ACCSL: variants seen among roughly 807,000 people sequenced by gnomAD.
ACCSL encodes 1-aminocyclopropane-1-carboxylate synthase homolog (inactive) like.
In ACCSL, 55 loss-of-function variants were observed where a neutral mutation model predicts 61.7. The ratio of observed to expected loss-of-function variants is 0.89; its 90% CI spans 0.72 to 1.12. ACCSL has a LOEUF of 1.12. ACCSL is among the 50% of genes most tolerant of loss of function. The probability of loss-of-function intolerance (pLI) is 0.00; values close to 1 mark genes in which losing one functional copy is unlikely to be tolerated. For synonymous variants in ACCSL, 258 were observed against 264.3 expected, an observed-to-expected ratio of 0.98 and a Z score of 0.23; for missense variants, 632 against 698.0, an observed-to-expected ratio of 0.91 and a Z score of 1.07.
the ACCSL span, among the ~76,000 whole-genome samples, chr11:43,930,959 T>C: frequency 6.6e-6 from 1 of 152,198 alleles, no homozygotes; most frequent in Non-Finnish European, 1.5e-5. Context: ...CCAAACTGAT[T>C]GTACAGCCCG....
the ACCSL span, among the ~76,000 whole-genome samples, chr11:44,014,955 C>G: frequency 2.6e-5 from 4 of 152,222 alleles, no homozygotes; most frequent in Admixed American, 2.6e-4. Flanking sequence ...GGCGGCCTGA[C>G]TGCCTTCCCC....
chr11:43,944,783 G>A, the ACCSL span: 1 of 152,426 alleles, frequency 6.6e-6, no homozygotes, highest in African/African-American at 2.4e-5. Flanking sequence ...GGCTGCAGAT[G>A]GCCACCAAGG....
the ACCSL span, among the ~76,000 whole-genome samples, chr11:44,027,690 C>A: frequency 6.6e-6 from 1 of 152,168 alleles, no homozygotes; most frequent in African/African-American, 2.4e-5. Context: ...GATTTCTAAG[C>A]CCATGCCTCT....
chr11:44,056,221 T>C lies in ACCSL; in HGVS notation c.1222T>C (p.Tyr408His), dbSNP rs761518897. Residue 408 changes from tyrosine (Y) to histidine (H), a missense_variant, in exon 11 of 14, where the codon TAT becomes CAT. Transcript: ENST00000378832. Reference protein sequence around the residue: ...GISGFRFGALYTHNKEVASAV... With the variant: ...GISGFRFGALHTHNKEVASAV... Reference sequence around the variant, plus strand: ...CTCTGGCTTCCGCTTTGGTGCTCTGTATACCCACAACAAGGAGGTGGCCTC... The same window carrying C: ...CTCTGGCTTCCGCTTTGGTGCTCTGCATACCCACAACAAGGAGGTGGCCTC... 1 of 1,614,214 alleles carries C rather than the reference T, an allele frequency of 6.2e-7. No individual in the cohort carries two copies. Among genetic ancestry groups the C allele is most frequent in the South Asian group, 1.1e-5 (1 of 91,082 alleles).
At chr11:43,972,800 G>A in the ACCSL span, among the ~76,000 whole-genome samples, 3 of 152,170 alleles carry the variant, frequency 2.0e-5, no homozygotes, top group Non-Finnish European at 4.4e-5. Flanking sequence ...GGTCAGGAAC[G>A]GGGCACCAGG....
the ACCSL span, among the ~76,000 whole-genome samples, chr11:44,007,689 C>T: frequency 1.3e-5 from 2 of 152,160 alleles, no homozygotes; most frequent in Non-Finnish European, 2.9e-5. Context: ...CACTCAACTT[C>T]TCTGAGCCCC....
At chr11:44,020,196 A>G in the ACCSL span, among the ~76,000 whole-genome samples, 1 of 152,270 alleles carries the variant, frequency 6.6e-6, no homozygotes, top group East Asian at 1.9e-4. Flanking sequence ...AACTTGTTGC[A>G]TGTTTATTAG....
At chr11:43,940,053 G>C in the ACCSL span, among the ~76,000 whole-genome samples, 1 of 152,194 alleles carries the variant, frequency 6.6e-6, no homozygotes, top group Admixed American at 6.5e-5. Flanking sequence ...TCAGTGTTGT[G>C]AGGTCACATA....
At chr11:44,005,327 C>A in the ACCSL span, among the ~76,000 whole-genome samples, 1 of 152,074 alleles carries the variant, frequency 6.6e-6, no homozygotes, top group Non-Finnish European at 1.5e-5. Context: ...GTGGGCTGCA[C>A]GTGCAGGCTT....
the ACCSL span, among the ~76,000 whole-genome samples, chr11:43,983,165 G>A: frequency 6.6e-6 from 1 of 152,180 alleles, no homozygotes; most frequent in Admixed American, 6.5e-5. Flanking sequence ...CCCCATTGGA[G>A]GTGATTGTGT....
At chr11:43,940,603 G>A in the ACCSL span, among the ~76,000 whole-genome samples, 46,846 of 150,890 alleles carry the variant, frequency 0.31, 7,483 homozygotes, top group East Asian at 0.42. Context: ...CTTGTGATCC[G>A]TCCGCCTAAG....
At chr11:44,042,430 C>G in the ACCSL span, among the ~76,000 whole-genome samples, 2 of 152,254 alleles carry the variant, frequency 1.3e-5, no homozygotes, top group East Asian at 3.9e-4. Flanking sequence ...AGCCATAGAA[C>G]TATTCAAAAT....
At chr11:43,950,139 T>C in the ACCSL span, among the ~76,000 whole-genome samples, 1 of 152,236 alleles carries the variant, frequency 6.6e-6, no homozygotes, top group African/African-American at 2.4e-5. Flanking sequence ...GTCTCTTATC[T>C]ACCTATGACC....
chr11:43,979,871 GA>G, the ACCSL span, among the ~76,000 whole-genome samples: 5 of 138,868 alleles, frequency 3.6e-5, no homozygotes, highest in Admixed American at 7.3e-5. Context: ...AAAAAGAAAA[GA>G]AAAAAAAATT....
upstream of ACCSL, among the ~76,000 whole-genome samples, chr11:44,047,458 CGTGGTCTCTGTCAT>C (rs1952605992): frequency 2.6e-5 from 4 of 152,282 alleles, no homozygotes; most frequent in South Asian, 8.3e-4. Flanking sequence ...GTCTCTGTCA[CGTGGTCTCTGTCAT>C]GACTATTAAA....
the ACCSL span, among the ~76,000 whole-genome samples, chr11:43,929,078 G>T: frequency 6.6e-6 from 1 of 152,218 alleles, no homozygotes; most frequent in South Asian, 2.1e-4. Context: ...CAAATTCTTA[G>T]CCTGAGTTTC....
chr11:43,928,889 G>A, the ACCSL span, among the ~76,000 whole-genome samples: 2 of 152,232 alleles, frequency 1.3e-5, no homozygotes, highest in South Asian at 4.1e-4. Flanking sequence ...TGCAACACAA[G>A]GTAGGAGAGG....
chr11:44,019,749 TTGA>T, the ACCSL span, among the ~76,000 whole-genome samples: 1 of 152,228 alleles, frequency 6.6e-6, no homozygotes, highest in Non-Finnish European at 1.5e-5. Flanking sequence ...GTTTCTAGTG[TTGA>T]TGAAGTTCAA....
chr11:43,932,670 C>T, the ACCSL span, among the ~76,000 whole-genome samples: 2 of 152,162 alleles, frequency 1.3e-5, no homozygotes, highest in Admixed American at 1.3e-4. Flanking sequence ...ACCAAGGCTT[C>T]GTGAAAGTCG....
Sources: allele counts gnomAD v4.1 joint callset (sites outside exome capture counted in the v4.1 genomes callset), GRCh38; gene constraint gnomAD v4.1.1; transcripts MANE v1.5; gene names NCBI Gene and HGNC (gene_info 2026-07-23, HGNC 2026-07-21).